OR6N1: variants seen among roughly 807,000 people sequenced by gnomAD.
OR6N1 encodes the protein olfactory receptor 6N1.
For synonymous variants in OR6N1, 170 were observed against 150.7 expected (o/e 1.13, Z -0.94); for missense variants, 394 against 371.7 (o/e 1.06, Z -0.49).
At chr1:158,832,645 T>A in the OR6N1 span, among the ~76,000 whole-genome samples, 1 of 151,626 alleles carries the variant, frequency 6.6e-6, no homozygotes, top group Non-Finnish European at 1.5e-5. Context: ...AGTTGCATAC[T>A]TTACCATTAT....
upstream of OR6N1, chr1:158,777,100 C>T (rs776018180): frequency 1.9e-6 from 3 of 1,614,104 alleles, no homozygotes; most frequent in Non-Finnish European, 2.5e-6. Flanking sequence ...TGGAAAGTCA[C>T]AGAAAATGTG....
the OR6N1 span, chr1:158,781,022 A>G: frequency 6.6e-6 from 1 of 152,234 alleles, no homozygotes; most frequent in African/African-American, 2.4e-5. Flanking sequence ...TCAAAATTGA[A>G]TTATTTCAAG....
At chr1:158,827,769 G>C in the OR6N1 span, among the ~76,000 whole-genome samples, 1 of 152,152 alleles carries the variant, frequency 6.6e-6, no homozygotes. Flanking sequence ...CCAACAGAGG[G>C]TATCGCTACA....
Position 158,766,643 on chromosome 1 carries a change from T to C in OR6N1, c.40A>G (p.Ile14Val), listed in dbSNP as rs566032009. ...GNWSQVAEFI[I>V]LGFPHLQGVQ... The stretch of plus-strand genomic sequence containing the variant: ...CCCTGGAGATGGGGGAAGCCCAAGA[T>C]GATGAATTCTGCTACCTGGCTCCAG... The change falls in exon 2 of 2, where the codon ATC becomes GTC. Residue 14 changes from isoleucine (I) to valine (V), a missense_variant. By Grantham distance (29) the Ile-to-Val change is conservative. Coordinates refer to ENST00000641846, the MANE Select transcript of OR6N1 (RefSeq NM_001005185.2). The C allele has an allele frequency of 1.2e-6, 2 of 1,613,258 alleles. No homozygotes were observed. The highest frequency in any genetic ancestry group is 2.2e-5 in the South Asian group (2 of 91,062).
At chr1:158,834,983 C>G in the OR6N1 span, among the ~76,000 whole-genome samples, 5 of 152,124 alleles carry the variant, frequency 3.3e-5, no homozygotes, top group Non-Finnish European at 7.4e-5. Flanking sequence ...TTATGTCTGT[C>G]TTTATGCCAA....
the OR6N1 span, among the ~76,000 whole-genome samples, chr1:158,784,598 G>T: frequency 3.9e-5 from 6 of 151,916 alleles, no homozygotes; most frequent in Non-Finnish European, 8.8e-5. Context: ...TCTAGTCTCT[G>T]GTAACCACAT....
chr1:158,839,003 T>C, the OR6N1 span, among the ~76,000 whole-genome samples: 1 of 152,196 alleles, frequency 6.6e-6, no homozygotes, highest in African/African-American at 2.4e-5. Context: ...TGTCTCTACC[T>C]ATTTTCCTTT....
At chr1:158,779,466 C>A in the OR6N1 span, among the ~76,000 whole-genome samples, 1 of 152,168 alleles carries the variant, frequency 6.6e-6, no homozygotes, top group East Asian at 1.9e-4. Context: ...AATTAGTAGA[C>A]CAATACTTTC....
the OR6N1 span, among the ~76,000 whole-genome samples, chr1:158,810,343 C>A: frequency 6.6e-6 from 1 of 152,116 alleles, no homozygotes; most frequent in African/African-American, 2.4e-5. Flanking sequence ...GAACTTATAG[C>A]ATTCTCCTCG....
the OR6N1 span, among the ~76,000 whole-genome samples, chr1:158,827,207 T>C: frequency 1.3e-5 from 2 of 152,218 alleles, no homozygotes; most frequent in Admixed American, 1.3e-4. Context: ...CTCAATTCAA[T>C]TGCCTCAGCT....
At chr1:158,790,491 G>A in the OR6N1 span, among the ~76,000 whole-genome samples, 2 of 147,698 alleles carry the variant, frequency 1.4e-5, no homozygotes, top group East Asian at 2.0e-4. Context: ...TGCAAGCTCC[G>A]CCTCCCGGGT....
At chr1:158,767,764 T>C (rs1363358652) in intron 1 of OR6N1, among the ~76,000 whole-genome samples, 2 of 152,190 alleles carry the variant, frequency 1.3e-5, no homozygotes, top group Non-Finnish European at 2.9e-5. Context: ...CTGCTCTATT[T>C]CTTTCTATGT....
chr1:158,785,480 T>C, the OR6N1 span, among the ~76,000 whole-genome samples: 4 of 152,172 alleles, frequency 2.6e-5, no homozygotes, highest in East Asian at 7.8e-4. Context: ...AGACATTCTT[T>C]AGGAAAAGTT....
chr1:158,791,469 A>ATTTTTTTTT, the OR6N1 span, among the ~76,000 whole-genome samples: 2 of 127,374 alleles, frequency 1.6e-5, no homozygotes, highest in East Asian at 4.5e-4. Flanking sequence ...TATGATTTTG[A>ATTTTTTTTT]TTTTTTTTTT....
At chr1:158,801,232 G>A in the OR6N1 span, among the ~76,000 whole-genome samples, 1 of 151,872 alleles carries the variant, frequency 6.6e-6, no homozygotes, top group East Asian at 1.9e-4. Flanking sequence ...GAAAAAGGTG[G>A]GGGTGGCGGT....
the OR6N1 span, among the ~76,000 whole-genome samples, chr1:158,821,214 A>G: frequency 6.6e-6 from 1 of 152,194 alleles, no homozygotes; most frequent in African/African-American, 2.4e-5. Flanking sequence ...TACAGTTTCT[A>G]TATGCCCCTC....
the OR6N1 span, among the ~76,000 whole-genome samples, chr1:158,805,152 A>AC: frequency 3.3e-5 from 5 of 152,348 alleles, no homozygotes; most frequent in African/African-American, 1.2e-4. Flanking sequence ...GTCACTGGAT[A>AC]CATTGATAGT....
the OR6N1 span, among the ~76,000 whole-genome samples, chr1:158,787,606 CTATCTA>C: frequency 3.2e-5 from 4 of 124,132 alleles, no homozygotes; most frequent in East Asian, 2.3e-4. Context: ...CTCTCTCTCT[CTATCTA>C]TCTCTCTATC....
chr1:158,826,224 A>G, the OR6N1 span, among the ~76,000 whole-genome samples: 2 of 152,180 alleles, frequency 1.3e-5, no homozygotes, highest in Non-Finnish European at 2.9e-5. Flanking sequence ...CCCAGGACAC[A>G]GAGTTTACCT....
Sources: allele counts gnomAD v4.1 joint callset (sites outside exome capture counted in the v4.1 genomes callset), GRCh38; gene constraint gnomAD v4.1.1; transcripts MANE v1.5; gene names NCBI Gene and HGNC (gene_info 2026-07-23, HGNC 2026-07-21).